RABGAP1L: variants seen among roughly 807,000 people sequenced by gnomAD.
RABGAP1L encodes rab GTPase-activating protein 1-like.
In RABGAP1L, 63 loss-of-function variants were observed where a neutral mutation model predicts 137.7. The observed-to-expected ratio is 0.46, with a 90% CI of 0.37 to 0.56. The LOEUF is 0.56. RABGAP1L is among the 20% of genes least tolerant of loss of function. The pLI, the probability that RABGAP1L is intolerant of heterozygous loss-of-function variation, is 0.00. For missense variants in RABGAP1L, 1,095 were observed against 1,244.0 expected, an observed-to-expected ratio of 0.88 and a Z score of 1.80; for synonymous variants, 431 against 433.7, an observed-to-expected ratio of 0.99 and a Z score of 0.08.
intron 18 of RABGAP1L, among the ~76,000 whole-genome samples, chr1:174,770,454 G>A (rs1380685943): frequency 6.6e-6 from 1 of 152,116 alleles, no homozygotes; most frequent in South Asian, 2.1e-4. Flanking sequence ...ATTTGTTGAA[G>A]CAATTTCTCA....
intron 10 of RABGAP1L, among the ~76,000 whole-genome samples, chr1:174,289,991 G>A (rs1049194079): frequency 3.9e-5 from 6 of 152,186 alleles, no homozygotes; most frequent in Admixed American, 3.3e-4. Flanking sequence ...GTAGTCATTG[G>A]CTAGGCTCCC....
intron 19 of RABGAP1L, chr1:174,897,806 A>G (rs1279024264): frequency 6.6e-6 from 1 of 152,064 alleles, no homozygotes; most frequent in African/African-American, 2.4e-5. Flanking sequence ...CCTGGACAAC[A>G]TAGTGAAACC....
chr1:174,763,633 A>T (rs1202838760), intron 18 of RABGAP1L, among the ~76,000 whole-genome samples: 1 of 118,780 alleles, frequency 8.4e-6, no homozygotes, highest in Non-Finnish European at 1.7e-5. Context: ...CCTGGGCGAC[A>T]GAGCGAGACT....
intron 17 of RABGAP1L, among the ~76,000 whole-genome samples, chr1:174,708,322 A>G (rs1330830313): frequency 1.3e-5 from 2 of 152,188 alleles, no homozygotes; most frequent in Non-Finnish European, 2.9e-5. Context: ...TAATACAAGC[A>G]AGATTAAGAC....
At chr1:174,791,190 CA>C (rs369764170) in intron 18 of RABGAP1L, among the ~76,000 whole-genome samples, 155 of 102,560 alleles carry the variant, frequency 1.5e-3, no homozygotes, top group Non-Finnish European at 1.7e-3. Context: ...GACTCCATCT[CA>C]AAAAAAAAAA....
At chr1:174,732,963 C>T (rs1182194421) in intron 17 of RABGAP1L, among the ~76,000 whole-genome samples, 1 of 150,746 alleles carries the variant, frequency 6.6e-6, no homozygotes, top group East Asian at 1.9e-4. Flanking sequence ...AGACACTTTT[C>T]TAAGTGTTTT....
chr1:174,308,326 A>G (rs896901695), intron 11 of RABGAP1L, among the ~76,000 whole-genome samples: 1 of 151,938 alleles, frequency 6.6e-6, no homozygotes, highest in Non-Finnish European at 1.5e-5. Flanking sequence ...CTCATTCTGT[A>G]GGTTGCCCTT....
intron 11 of RABGAP1L, among the ~76,000 whole-genome samples, chr1:174,308,014 G>C (rs1007914402): frequency 2.6e-5 from 4 of 152,042 alleles, no homozygotes; most frequent in Non-Finnish European, 5.9e-5. Flanking sequence ...TTTAATGGGT[G>C]TGAGATGATA....
intron 13 of RABGAP1L, among the ~76,000 whole-genome samples, chr1:174,510,281 C>G (rs1196074250): frequency 1.3e-5 from 2 of 152,106 alleles, no homozygotes; most frequent in Non-Finnish European, 2.9e-5. Flanking sequence ...AATACGTAAC[C>G]TTCATGAGGG....
At chr1:174,461,621 G>C (rs1209502620) in intron 13 of RABGAP1L, among the ~76,000 whole-genome samples, 2 of 152,156 alleles carry the variant, frequency 1.3e-5, no homozygotes, top group African/African-American at 4.8e-5. Flanking sequence ...AGAGTTAACA[G>C]TAGTTCTTGG....
intron 18 of RABGAP1L, among the ~76,000 whole-genome samples, chr1:174,792,038 A>G (rs964314969): frequency 6.6e-6 from 1 of 152,210 alleles, no homozygotes; most frequent in Admixed American, 6.5e-5. Context: ...TATGGGATAC[A>G]TTACTTGAAA....
intron 18 of RABGAP1L, among the ~76,000 whole-genome samples, chr1:174,772,217 C>CA (rs1015842634): frequency 2.6e-4 from 39 of 147,894 alleles, no homozygotes; most frequent in South Asian, 4.3e-4. Flanking sequence ...AAAAACAAAA[C>CA]AAAAAAAAAT....
intron 19 of RABGAP1L, among the ~76,000 whole-genome samples, chr1:174,820,166 T>A (rs1573355383): frequency 6.6e-6 from 1 of 152,120 alleles, no homozygotes; most frequent in Non-Finnish European, 1.5e-5. Context: ...TTTAGAAACA[T>A]TTAGTAGTCC....
intron 11 of RABGAP1L, among the ~76,000 whole-genome samples, chr1:174,346,685 A>G (rs1186871779): frequency 6.6e-6 from 1 of 151,688 alleles, no homozygotes; most frequent in Non-Finnish European, 1.5e-5. Flanking sequence ...TTAAAAAATA[A>G]CTTGTCATTT....
chr1:174,725,705 G>A (rs1017216480), intron 17 of RABGAP1L, among the ~76,000 whole-genome samples: 8 of 152,108 alleles, frequency 5.3e-5, no homozygotes, highest in African/African-American at 1.9e-4. Context: ...GGCTTGCTGG[G>A]TCAAAGAAAA....
chr1:174,242,870 G>C (rs1671943659), intron 5 of RABGAP1L: 1 of 152,172 alleles, frequency 6.6e-6, no homozygotes, highest in Non-Finnish European at 1.5e-5. Context: ...GTATAAGTAT[G>C]CTGCTAGTGT....
Position 174,927,342 on chromosome 1 carries a change from G to T in RABGAP1L, c.2341-30115G>T, listed in dbSNP as rs372462761. Reference sequence around the variant, plus strand: ...TTTATTAAGTGTTGTTTGTATATCTGTTGATGAATTTGTGATTTTTATCCT... The same window carrying T: ...TTTATTAAGTGTTGTTTGTATATCTTTTGATGAATTTGTGATTTTTATCCT... On this transcript the variant is annotated intron_variant, in intron 19 of 25. Transcript: ENST00000681986. Among the ~76,000 whole-genome samples, 15 of 152,224 alleles carry T rather than the reference G, an allele frequency of 9.9e-5. No homozygotes were observed. The East Asian group carries it at 1.4e-3, about 14-fold the overall frequency.
At position 174,969,174 on chromosome 1, in the gene RABGAP1L, C is replaced by T. The variant is rs1669919167; in HGVS notation, c.2434-103C>T. On this transcript the variant is annotated intron_variant, in intron 20 of 25. Coordinates refer to ENST00000681986, the MANE Select transcript of RABGAP1L (RefSeq NM_001366446.1). Reference sequence around the variant, plus strand: ...TGCCACTTGCGCCTTCTCCTTTTTACACCTTTGAAAGTTCACTTTGTTGCT... The same window carrying T: ...TGCCACTTGCGCCTTCTCCTTTTTATACCTTTGAAAGTTCACTTTGTTGCT... The T allele has an allele frequency of 1.4e-5, 12 of 861,434 alleles. No individual in the cohort carries two copies. The South Asian group carries it at 1.7e-4, about 12-fold the overall frequency. 53.4% of individuals were successfully genotyped at this position (861,434 alleles called of 1,614,324 possible). A position where few individuals can be genotyped will look rare whatever the true frequency, so the allele number is the denominator to read the frequency against.
At chr1:174,288,493 A>G (rs1338984691) in intron 10 of RABGAP1L, among the ~76,000 whole-genome samples, 1 of 151,804 alleles carries the variant, frequency 6.6e-6, no homozygotes, top group African/African-American at 2.4e-5. Flanking sequence ...TTGGTTGAGG[A>G]TTTCTTTTCT....
Sources: gnomAD v4.1 joint callset for allele counts (sites outside exome capture counted in the v4.1 genomes callset) on GRCh38, gnomAD v4.1.1 for gene constraint, MANE v1.5 for transcripts, NCBI Gene and HGNC (gene_info 2026-07-23, HGNC 2026-07-21) for gene names.